Variants in LINGO2 observed in about 807,000 individuals in gnomAD.
LINGO2 encodes the protein leucine-rich repeat and immunoglobulin-like domain-containing nogo receptor-interacting protein 2.
A neutral mutation model predicts 30.6 loss-of-function variants in LINGO2; 14 were observed. The ratio of observed to expected loss-of-function variants is 0.46; its 90% CI spans 0.30 to 0.72. LINGO2 has a LOEUF of 0.72. Ranked by LOEUF, LINGO2 falls within the 30% of genes least tolerant of loss-of-function variation. The pLI is 0.07. For synonymous variants in LINGO2, 317 were observed against 288.5 expected (o/e 1.10, Z -1.00); for missense variants, 729 against 751.7 (o/e 0.97, Z 0.35).
the LINGO2 span, among the ~76,000 whole-genome samples, chr9:29,033,689 G>C: frequency 1.9e-3 from 290 of 151,724 alleles, 1 homozygote; most frequent in African/African-American, 6.6e-3. Flanking sequence ...GGAGTTCTGA[G>C]GGCAAGATGC....
intron 4 of LINGO2, among the ~76,000 whole-genome samples, chr9:28,207,037 T>C (rs986624122): frequency 6.6e-6 from 1 of 152,194 alleles, no homozygotes; most frequent in Non-Finnish European, 1.5e-5. Flanking sequence ...GTTAGAGGTA[T>C]GAAACAGTTT....
the LINGO2 span, among the ~76,000 whole-genome samples, chr9:28,985,273 A>T: frequency 6.6e-6 from 1 of 152,180 alleles, no homozygotes; most frequent in East Asian, 1.9e-4. Flanking sequence ...TCATCTGTTG[A>T]TGAACACTTA....
At chr9:27,943,616 G>GTTTT (rs1554641890), downstream of LINGO2, 23,100 of 148,390 alleles carry the variant, frequency 0.16, 2,161 homozygotes, top group African/African-American at 0.27. Context: ...TAGCTGGAGG[G>GTTTT]TTTTTTTTTT....
chr9:28,042,714 T>G lies in LINGO2; in HGVS notation c.-86-30309A>C, dbSNP rs141908896. Among the ~76,000 whole-genome samples, 380 of 152,348 alleles carry G rather than the reference T, an allele frequency of 2.5e-3. 3 individuals carry two copies. Among genetic ancestry groups the G allele is most frequent in the African/African-American group, 8.9e-3 (368 of 41,578 alleles). ...TCCCACTATAATCAAGATAATGTAC[T>G]TGCTTCATTCATGTTCTGCAATCAA... On this transcript the variant is annotated intron_variant, in intron 4 of 5. Transcript: ENST00000379992.
intron 4 of LINGO2, among the ~76,000 whole-genome samples, chr9:28,070,132 T>C (rs1587806891): frequency 1.3e-5 from 2 of 152,234 alleles, no homozygotes; most frequent in East Asian, 3.9e-4. Context: ...TCTAACTCAA[T>C]AAGAGTTACC....
the LINGO2 span, among the ~76,000 whole-genome samples, chr9:28,859,394 A>G: frequency 2.8e-4 from 42 of 152,188 alleles, no homozygotes; most frequent in African/African-American, 8.7e-4. Context: ...TACGCAGCTA[A>G]TATCTTCAGA....
At chr9:29,213,367 TAAG>T in the LINGO2 span, among the ~76,000 whole-genome samples, 1 of 152,142 alleles carries the variant, frequency 6.6e-6, no homozygotes, top group East Asian at 1.9e-4. Context: ...CGGAAAGGTG[TAAG>T]AAGAGCCACT....
chr9:29,047,941 A>AAAC, the LINGO2 span, among the ~76,000 whole-genome samples: 570 of 151,688 alleles, frequency 3.8e-3, 8 homozygotes, highest in Non-Finnish European at 5.6e-3. Context: ...CTGTCTCCCA[A>AAAC]AACAACAACA....
rs1007002146 is a variant in LINGO2 at position 28,333,357 on chromosome 9, T to C, written c.-245-37991A>G. ...AGGGTAATGTAGGTCAACTAGTAATTGTCTAAGGACACATCAGACATTTTT... is the reference window on the plus strand; with the variant it reads ...AGGGTAATGTAGGTCAACTAGTAATCGTCTAAGGACACATCAGACATTTTT... On this transcript the variant is annotated intron_variant, in intron 3 of 5. Transcript: ENST00000379992. 3.0e-4 allele frequency among the ~76,000 whole-genome samples: 46 copies of C among 152,196 alleles called. 1 individual carries two copies. The highest frequency in any genetic ancestry group is 5.2e-4 in the Admixed American group (8 of 15,278).
chr9:28,841,188 C>A, the LINGO2 span, among the ~76,000 whole-genome samples: 1 of 151,694 alleles, frequency 6.6e-6, no homozygotes, highest in Non-Finnish European at 1.5e-5. Flanking sequence ...TGCATGTCAT[C>A]AAAAGGTAGA....
chr9:28,640,959 A>G (rs1827546280), intron 1 of LINGO2, among the ~76,000 whole-genome samples: 1 of 152,046 alleles, frequency 6.6e-6, no homozygotes, highest in African/African-American at 2.4e-5. Context: ...TCATGGTTTT[A>G]TCTACCTTTG....
chr9:28,589,722 C>T (rs560243853), intron 1 of LINGO2, among the ~76,000 whole-genome samples: 1 of 152,084 alleles, frequency 6.6e-6, no homozygotes, highest in African/African-American at 2.4e-5. Context: ...AATGGCCATA[C>T]TGCCCAAGGT....
At chr9:28,341,042 C>A (rs2134389234) in intron 3 of LINGO2, among the ~76,000 whole-genome samples, 1 of 152,062 alleles carries the variant, frequency 6.6e-6, no homozygotes, top group South Asian at 2.1e-4. Context: ...AAAACTAAGG[C>A]AAGCAAGGAC....
At chr9:28,411,738 A>C (rs2134817603) in intron 2 of LINGO2, among the ~76,000 whole-genome samples, 1 of 152,232 alleles carries the variant, frequency 6.6e-6, no homozygotes, top group Middle Eastern at 3.4e-3. Context: ...TGGGTATACA[A>C]ATATTCTTCA....
chr9:29,213,259 G>T, the LINGO2 span, among the ~76,000 whole-genome samples: 1 of 152,142 alleles, frequency 6.6e-6, no homozygotes, highest in Non-Finnish European at 1.5e-5. Flanking sequence ...CTCAGTTGCG[G>T]CCGCTCCTCT....
intron 4 of LINGO2, among the ~76,000 whole-genome samples, chr9:28,056,482 T>C (rs1824946386): frequency 6.6e-6 from 1 of 151,750 alleles, no homozygotes; most frequent in East Asian, 2.0e-4. Flanking sequence ...CTTTAATGAA[T>C]ATCATGTGGT....
chr9:28,071,316 C>T (rs117804258), intron 4 of LINGO2, among the ~76,000 whole-genome samples: 2,104 of 152,180 alleles, frequency 0.014, 16 homozygotes, highest in South Asian at 0.025. Context: ...TCATGTAACA[C>T]GATATGGAGT....
chr9:28,889,269 G>A, the LINGO2 span, among the ~76,000 whole-genome samples: 2 of 152,064 alleles, frequency 1.3e-5, no homozygotes, highest in African/African-American at 4.8e-5. Context: ...CTGAGTCAAA[G>A]TATCAGTCTC....
intron 2 of LINGO2, among the ~76,000 whole-genome samples, chr9:28,391,470 C>A (rs1418712599): frequency 6.6e-6 from 1 of 152,122 alleles, no homozygotes; most frequent in African/African-American, 2.4e-5. Context: ...GGATGTGAAT[C>A]GGGAAATCAT....
Sources: allele counts gnomAD v4.1 joint callset (sites outside exome capture counted in the v4.1 genomes callset), GRCh38; gene constraint gnomAD v4.1.1; transcripts MANE v1.5; gene names NCBI Gene and HGNC (gene_info 2026-07-23, HGNC 2026-07-21).